Variants in DPP10 observed in about 807,000 individuals in gnomAD.
DPP10 encodes inactive dipeptidyl peptidase 10.
A neutral mutation model predicts 120.9 loss-of-function variants in DPP10; 33 were observed. That is an observed-to-expected ratio of 0.27 (90% CI 0.21 to 0.37). The LOEUF (loss-of-function observed/expected upper bound fraction) is 0.37, where lower values mean the gene tolerates loss of function less well. DPP10 is among the 10% of genes least tolerant of loss of function. The pLI, the probability that DPP10 is intolerant of heterozygous loss-of-function variation, is 1.00. For synonymous variants in DPP10, 337 were observed against 326.1 expected, an observed-to-expected ratio of 1.03 and a Z score of -0.36; for missense variants, 816 against 942.8, an observed-to-expected ratio of 0.87 and a Z score of 1.76.
intron 1 of DPP10, chr2:115,064,789 T>G (rs781749899): frequency 7.7e-7 from 1 of 1,304,272 alleles, no homozygotes. Context: ...GAGGGACCAG[T>G]AGATGGTTCT....
At chr2:115,436,418 A>G (rs1444897158) in intron 3 of DPP10, among the ~76,000 whole-genome samples, 1 of 151,598 alleles carries the variant, frequency 6.6e-6, no homozygotes, top group Non-Finnish European at 1.5e-5. Context: ...TTTAATTATC[A>G]GGTATTAAAG....
intron 6 of DPP10, 43 bp from the exon 7 acceptor site, chr2:115,689,797 A>G: frequency 1.2e-6 from 2 of 1,609,970 alleles, no homozygotes; most frequent in Non-Finnish European, 1.7e-6. Flanking sequence ...TTGTTGGTGT[A>G]GATATCAGTT....
At chr2:115,201,215 C>G (rs951425064) in intron 1 of DPP10, among the ~76,000 whole-genome samples, 1 of 152,138 alleles carries the variant, frequency 6.6e-6, no homozygotes, top group Non-Finnish European at 1.5e-5. Context: ...GTAATCCTAG[C>G]ACTTTGGGAG....
At chr2:115,119,999 T>C (rs2049738788) in intron 1 of DPP10, among the ~76,000 whole-genome samples, 1 of 152,238 alleles carries the variant, frequency 6.6e-6, no homozygotes, top group Non-Finnish European at 1.5e-5. Context: ...CTTTTCCCAA[T>C]TGATTTACCC....
chr2:114,546,105 C>T (rs560180057), intron 1 of DPP10, among the ~76,000 whole-genome samples: 133 of 152,232 alleles, frequency 8.7e-4, no homozygotes, highest in Non-Finnish European at 1.7e-3. Flanking sequence ...TCAGCATTCC[C>T]CCCTGTATCA....
At chr2:115,531,037 C>T (rs1483013096) in intron 5 of DPP10, among the ~76,000 whole-genome samples, 7 of 152,126 alleles carry the variant, frequency 4.6e-5, no homozygotes, top group Non-Finnish European at 1.5e-5. Flanking sequence ...TTTACTTGTA[C>T]ACGCTTAATC....
intron 5 of DPP10, among the ~76,000 whole-genome samples, chr2:115,652,105 A>G (rs1462245903): frequency 1.3e-5 from 2 of 152,092 alleles, no homozygotes; most frequent in South Asian, 2.1e-4. Flanking sequence ...ATAGAGGTGA[A>G]TAACAAAAAT....
At chr2:115,778,923 C>T (rs959561059) in intron 15 of DPP10, among the ~76,000 whole-genome samples, 2 of 152,030 alleles carry the variant, frequency 1.3e-5, no homozygotes, top group Admixed American at 6.6e-5. Flanking sequence ...ATTTTGGATT[C>T]GGGATCTTGA....
chr2:114,450,141 A>T (rs1320802659), intron 1 of DPP10, among the ~76,000 whole-genome samples: 1 of 152,052 alleles, frequency 6.6e-6, no homozygotes, highest in Non-Finnish European at 1.5e-5. Flanking sequence ...GCTTCATATG[A>T]TCTCTGTGCT....
intron 1 of DPP10, among the ~76,000 whole-genome samples, chr2:114,913,443 G>T (rs1162728062): frequency 1.3e-5 from 2 of 152,134 alleles, no homozygotes; most frequent in Non-Finnish European, 2.9e-5. Flanking sequence ...CCGTAAGACT[G>T]GTCCCAGTCC....
chr2:115,835,558 TG>T (rs1482079948), intron 21 of DPP10, among the ~76,000 whole-genome samples: 6 of 152,210 alleles, frequency 3.9e-5, no homozygotes. Context: ...GTATTCTTCC[TG>T]TGTCTGCAGT....
At chr2:115,281,932 G>T (rs754188522) in intron 1 of DPP10, among the ~76,000 whole-genome samples, 1 of 151,950 alleles carries the variant, frequency 6.6e-6, no homozygotes, top group Non-Finnish European at 1.5e-5. Flanking sequence ...TTTAGTTTTA[G>T]TATTAATTTT....
intron 1 of DPP10, among the ~76,000 whole-genome samples, chr2:114,785,744 A>G (rs1199949262): frequency 6.6e-6 from 1 of 152,194 alleles, no homozygotes; most frequent in African/African-American, 2.4e-5. Flanking sequence ...GGGGAGCTGA[A>G]GACTTTGTAC....
intron 1 of DPP10, among the ~76,000 whole-genome samples, chr2:115,049,669 C>A (rs1559034835): frequency 6.6e-6 from 1 of 152,118 alleles, no homozygotes; most frequent in Admixed American, 6.6e-5. Context: ...TCATTCCAGC[C>A]GATCTGATAT....
intron 1 of DPP10, among the ~76,000 whole-genome samples, chr2:114,854,296 A>G (rs1689200028): frequency 1.3e-5 from 2 of 152,222 alleles, no homozygotes; most frequent in Non-Finnish European, 2.9e-5. Context: ...TTAACTTACT[A>G]TTTATCCTTC....
intron 1 of DPP10, among the ~76,000 whole-genome samples, chr2:114,859,055 G>A (rs1004380922): frequency 4.6e-5 from 7 of 152,042 alleles, no homozygotes; most frequent in South Asian, 4.2e-4. Context: ...GGCCAGACGC[G>A]GTGGCTCACG....
At chr2:115,244,239 TAGAGAG>T (rs67598156) in intron 1 of DPP10, among the ~76,000 whole-genome samples, 9,094 of 92,868 alleles carry the variant, frequency 0.098, 438 homozygotes, top group African/African-American at 0.17. Context: ...TATATATATA[TAGAGAG>T]AGAGAGAGAG....
chr2:115,452,964 A>C (rs2073231343), intron 3 of DPP10, among the ~76,000 whole-genome samples: 3 of 151,688 alleles, frequency 2.0e-5, no homozygotes, highest in Admixed American at 2.0e-4. Flanking sequence ...TTTTTTTCTT[A>C]CCTTTCACTA....
intron 1 of DPP10, among the ~76,000 whole-genome samples, chr2:114,496,954 A>G (rs1389321663): frequency 6.6e-6 from 1 of 151,926 alleles, no homozygotes; most frequent in Non-Finnish European, 1.5e-5. Flanking sequence ...TTATCAAAGC[A>G]TGCTGATAGA....
Sources: allele counts gnomAD v4.1 joint callset (sites outside exome capture counted in the v4.1 genomes callset), GRCh38; gene constraint gnomAD v4.1.1; transcripts MANE v1.5; gene names NCBI Gene and HGNC (gene_info 2026-07-23, HGNC 2026-07-21).